Variants in PDSS2 observed in about 807,000 individuals in gnomAD.
PDSS2 encodes the protein decaprenyl diphosphate synthase subunit 2, also known as all trans-polyprenyl-diphosphate synthase PDSS2.
A neutral mutation model predicts 44.5 loss-of-function variants in PDSS2; 31 were observed. That is an observed-to-expected ratio of 0.70 (90% CI 0.52 to 0.94). PDSS2 has a LOEUF of 0.94. PDSS2 is among the 40% of genes least tolerant of loss of function. PDSS2 has a pLI of 0.00. For synonymous variants in PDSS2, 157 were observed against 180.3 expected (o/e 0.87, Z 1.03); for missense variants, 452 against 482.2 (o/e 0.94, Z 0.59).
At chr6:107,264,882 C>T (rs1378573577) in intron 3 of PDSS2, among the ~76,000 whole-genome samples, 1 of 152,082 alleles carries the variant, frequency 6.6e-6, no homozygotes, top group Non-Finnish European at 1.5e-5. Context: ...GCAACTTATC[C>T]CAATGGAATC....
intron 1 of PDSS2, among the ~76,000 whole-genome samples, chr6:107,355,835 C>T (rs181623842): frequency 6.6e-6 from 1 of 152,292 alleles, no homozygotes; most frequent in Admixed American, 6.5e-5. Context: ...CCAATTTAGG[C>T]AGGATTTCTG....
At chr6:107,354,108 A>AT (rs1297073521) in intron 1 of PDSS2, among the ~76,000 whole-genome samples, 28 of 151,978 alleles carry the variant, frequency 1.8e-4, no homozygotes, top group African/African-American at 6.8e-4. Flanking sequence ...TGATGTAATG[A>AT]ATTTTTTTTT....
At chr6:107,318,395 T>A (rs181448766) in intron 2 of PDSS2, among the ~76,000 whole-genome samples, 1 of 152,190 alleles carries the variant, frequency 6.6e-6, no homozygotes, top group Admixed American at 6.5e-5. Context: ...ATCCCAGGTC[T>A]CTGTTTACTC....
At chr6:107,210,604 A>C in intron 5 of PDSS2, 34 bp from the exon 6 acceptor site, 1 of 1,385,262 alleles carries the variant, frequency 7.2e-7, no homozygotes, top group South Asian at 1.2e-5. Flanking sequence ...AAATTAGTGA[A>C]ATGTATATAC....
chr6:107,158,022 C>A (rs1410847504), intron 7 of PDSS2, among the ~76,000 whole-genome samples: 1 of 152,008 alleles, frequency 6.6e-6, no homozygotes, highest in East Asian at 1.9e-4. Context: ...CATGAGACTT[C>A]AAGGTCCTTA....
intron 2 of PDSS2, among the ~76,000 whole-genome samples, chr6:107,302,366 TG>T (rs1172961147): frequency 6.6e-6 from 1 of 151,962 alleles, no homozygotes; most frequent in African/African-American, 2.4e-5. Flanking sequence ...CTCAAATTCC[TG>T]GGCTCAAAGG....
At chr6:107,358,611 AATG>A (rs1778662320) in intron 1 of PDSS2, among the ~76,000 whole-genome samples, 4 of 152,190 alleles carry the variant, frequency 2.6e-5, no homozygotes, top group Admixed American at 2.6e-4. Flanking sequence ...CCATTGCAGA[AATG>A]ATGAAAAATT....
At chr6:107,379,792 C>A (rs1473840556) in intron 1 of PDSS2, among the ~76,000 whole-genome samples, 1 of 151,918 alleles carries the variant, frequency 6.6e-6, no homozygotes, top group Non-Finnish European at 1.5e-5. Flanking sequence ...ATTTTCTATA[C>A]AGCATGAAAT....
rs747300840 is a variant in PDSS2 at position 107,459,357 on chromosome 6, G to A, written c.-72C>T. On this transcript the variant is annotated 5_prime_UTR_variant, in exon 1 of 8. Transcript: ENST00000369037. The surrounding 1 kb of genome is among the most constrained non-coding windows in gnomAD (Gnocchi z 4.3). ...CGCGGGAAACAAACCAGGGGCAGAG[G>A]AGGAACTTACAGTAACTAAAAGGAA... 6 of 1,308,396 alleles carry A rather than the reference G, an allele frequency of 4.6e-6. No homozygotes were observed. The highest frequency in any genetic ancestry group is 4.3e-5 in the African/African-American group (3 of 69,124). The allele number at this position is 1,308,396 out of a possible 1,614,324, so 81.0% of individuals were successfully genotyped here.
At chr6:107,343,458 G>C (rs116957125) in intron 1 of PDSS2, among the ~76,000 whole-genome samples, 50 of 152,226 alleles carry the variant, frequency 3.3e-4, no homozygotes, top group African/African-American at 1.0e-3. Flanking sequence ...AGTGTTTTAA[G>C]TTACAGTATA....
chr6:107,256,572 A>T (rs1775029939), intron 3 of PDSS2, among the ~76,000 whole-genome samples: 1 of 152,192 alleles, frequency 6.6e-6, no homozygotes, highest in African/African-American at 2.4e-5. Flanking sequence ...GTGTGCCTTA[A>T]AATCCATGCA....
intron 6 of PDSS2, among the ~76,000 whole-genome samples, chr6:107,209,360 C>G (rs1049944117): frequency 3.9e-5 from 6 of 152,060 alleles, no homozygotes; most frequent in Non-Finnish European, 8.8e-5. Context: ...CAGGGATATG[C>G]CATGTTTACT....
At chr6:107,219,764 ACTAGTCACTT>A (rs1773538182) in intron 4 of PDSS2, among the ~76,000 whole-genome samples, 1 of 152,190 alleles carries the variant, frequency 6.6e-6, no homozygotes, top group African/African-American at 2.4e-5. Context: ...TAGACCTGGT[ACTAGTCACTT>A]TTATATTTTT....
intron 7 of PDSS2, among the ~76,000 whole-genome samples, chr6:107,182,266 C>T (rs4317447): frequency 6.6e-6 from 1 of 152,210 alleles, no homozygotes; most frequent in East Asian, 1.9e-4. Flanking sequence ...TAATAAGGCA[C>T]AACTCTGGTT....
intron 1 of PDSS2, among the ~76,000 whole-genome samples, chr6:107,363,518 T>G (rs1392984761): frequency 6.6e-6 from 1 of 152,116 alleles, no homozygotes; most frequent in Non-Finnish European, 1.5e-5. Context: ...GGGCTCGTGG[T>G]CTCGCTGGCT....
intron 1 of PDSS2, among the ~76,000 whole-genome samples, chr6:107,384,199 G>A (rs1266631521): frequency 6.6e-6 from 1 of 152,200 alleles, no homozygotes; most frequent in East Asian, 1.9e-4. Flanking sequence ...AACATCCAGA[G>A]TAGGCAAATC....
rs1562404351 is a variant in PDSS2, at chr6:107,245,646, T to C, written c.631-27A>G. On this transcript the variant is annotated intron_variant, in intron 3 of 7. Transcript: ENST00000369037. Reference sequence around the variant, plus strand: ...TAAAAAGCAAGAAGAAAAATAAAAATAAAAAAATTTAAATATATCTCTATT... The same window carrying C: ...TAAAAAGCAAGAAGAAAAATAAAAACAAAAAAATTTAAATATATCTCTATT... The C allele has an allele frequency of 5.1e-6, 7 of 1,372,754 alleles. No homozygotes were observed. The South Asian group carries it at 6.4e-5, about 13-fold the overall frequency. The allele number at this position is 1,372,754 out of a possible 1,614,324, so 85.0% of individuals were successfully genotyped here. A position where few individuals can be genotyped will look rare whatever the true frequency, so the allele number is the denominator to read the frequency against.
At chr6:107,322,766 T>C (rs1387444999) in intron 2 of PDSS2, among the ~76,000 whole-genome samples, 1 of 152,136 alleles carries the variant, frequency 6.6e-6, no homozygotes, top group Non-Finnish European at 1.5e-5. Flanking sequence ...GAGGCTGCAG[T>C]GAGCCATTAT....
rs1036340468 is a variant in PDSS2 at position 107,153,766 on chromosome 6, A to G, written c.*853T>C. 1.3e-5 allele frequency: 2 copies of G among 152,560 alleles called. No individual in the cohort carries two copies. Among genetic ancestry groups the G allele is most frequent in the Non-Finnish European group, 2.9e-5 (2 of 68,056 alleles). 9.5% of individuals were successfully genotyped at this position (152,560 alleles called of 1,614,324 possible). A position where few individuals can be genotyped will look rare whatever the true frequency, so the allele number is the denominator to read the frequency against. ...AAACCATAAAGCACAAAGTATATTC[A>G]TACTGCATTATAAATCCAGAGACAT... On this transcript the variant is annotated 3_prime_UTR_variant, in exon 8 of 8. Transcript: ENST00000369037.
Sources: gnomAD v4.1 joint callset for allele counts (sites outside exome capture counted in the v4.1 genomes callset) on GRCh38, gnomAD v4.1.1 for gene constraint, Gnocchi (gnomAD v3.1) non-coding constraint, MANE v1.5 for transcripts, NCBI Gene and HGNC (gene_info 2026-07-23, HGNC 2026-07-21) for gene names.